IMMT: variants seen among roughly 807,000 people sequenced by gnomAD.
IMMT encodes inner membrane mitochondrial protein.
In IMMT, 40 loss-of-function variants were observed where a neutral mutation model predicts 92.7. That is an observed-to-expected ratio of 0.43 (90% CI 0.34 to 0.56). IMMT has a LOEUF of 0.56. Among genes scored for constraint, IMMT ranks in the 20% least tolerant of loss-of-function variants. The pLI, the probability that IMMT is intolerant of heterozygous loss-of-function variation, is 0.03. For synonymous variants in IMMT, 322 were observed against 336.1 expected (o/e 0.96, Z 0.46); for missense variants, 831 against 912.1 (o/e 0.91, Z 1.14).
At chr2:86,163,232 A>G (rs561971157) in intron 7 of IMMT, among the ~76,000 whole-genome samples, 1 of 152,264 alleles carries the variant, frequency 6.6e-6, no homozygotes, top group East Asian at 1.9e-4. Context: ...ATGTGGGAGG[A>G]TCATTTGAGC....
intron 2 of IMMT, among the ~76,000 whole-genome samples, chr2:86,179,981 G>A (rs1017604411): frequency 1.3e-5 from 2 of 152,080 alleles, no homozygotes; most frequent in Non-Finnish European, 2.9e-5. Flanking sequence ...AGAGGCCGAG[G>A]TAGGAGGAAT....
intron 1 of IMMT, among the ~76,000 whole-genome samples, chr2:86,186,421 C>T (rs922858078): frequency 4.6e-5 from 7 of 152,200 alleles, no homozygotes; most frequent in Non-Finnish European, 8.8e-5. Flanking sequence ...GTACACTTCC[C>T]TTAAACAAGG....
Position 86,176,255 on chromosome 2 carries a change from C to T in IMMT, c.310-2494G>A, listed in dbSNP as rs560465986. ...TTCTCTAGTTTTTACATCCTGTGGT[C>T]TTCCATCTTTTAAACAATACAAAAT... On this transcript the variant is annotated intron_variant, in intron 3 of 14. Transcript: ENST00000410111. Among the ~76,000 whole-genome samples, 160 of 152,306 alleles carry T rather than the reference C, an allele frequency of 1.1e-3. 1 individual carries two copies. Among genetic ancestry groups the T allele is most frequent in the African/African-American group, 3.7e-3 (154 of 41,570 alleles).
At chr2:86,180,517 C>T (rs983198104) in intron 2 of IMMT, among the ~76,000 whole-genome samples, 52 of 151,696 alleles carry the variant, frequency 3.4e-4, no homozygotes, top group African/African-American at 9.9e-4. Flanking sequence ...CTGCCCTCCT[C>T]GGCCTCCCAA....
At chr2:86,160,699 T>C (rs1026962578) in intron 8 of IMMT, among the ~76,000 whole-genome samples, 3 of 152,226 alleles carry the variant, frequency 2.0e-5, no homozygotes, top group African/African-American at 7.2e-5. Context: ...AGGTTGATCT[T>C]ATATCTGGGC....
At chr2:86,194,086 G>A (rs12475079) in intron 1 of IMMT, among the ~76,000 whole-genome samples, 55,164 of 152,158 alleles carry the variant, frequency 0.36, 12,700 homozygotes, top group Non-Finnish European at 0.51. Flanking sequence ...GCAGGCTGTA[G>A]AAGCTGGGAG....
chr2:86,195,297 G>A (rs375892858), intron 1 of IMMT, 41 bp downstream of exon 1: 437 of 1,517,568 alleles, frequency 2.9e-4, no homozygotes, highest in Non-Finnish European at 3.0e-4. Context: ...GACGGTTCTA[G>A]TTCAGCCTCC....
chr2:86,151,253 T>C, intron 12 of IMMT, 44 bp downstream of exon 12: 1 of 1,452,478 alleles, frequency 6.9e-7, no homozygotes, highest in Non-Finnish European at 9.6e-7. Flanking sequence ...ACAATCAAGT[T>C]AGAGTCACTT....
At chr2:86,145,065 C>CGGGCAGT (rs1674894521) in intron 14 of IMMT, among the ~76,000 whole-genome samples, 184 bp from the exon 15 acceptor site, 1 of 151,386 alleles carries the variant, frequency 6.6e-6, no homozygotes, top group Non-Finnish European at 1.5e-5. Flanking sequence ...CTCTTCATAT[C>CGGGCAGT]AAAGTCAGAA....
chr2:86,171,847 C>CATAT (rs1047018977), intron 4 of IMMT, among the ~76,000 whole-genome samples: 31 of 118,168 alleles, frequency 2.6e-4, no homozygotes, highest in East Asian at 1.6e-3. Flanking sequence ...AGTTAAAATA[C>CATAT]ATATATATAT....
At chr2:86,157,049 G>C (rs888742997) in intron 10 of IMMT, among the ~76,000 whole-genome samples, 8 of 152,178 alleles carry the variant, frequency 5.3e-5, no homozygotes, top group African/African-American at 1.9e-4. Context: ...ATTCTGATGA[G>C]GGAAGCAGTG....
intron 12 of IMMT, among the ~76,000 whole-genome samples, chr2:86,149,633 C>T (rs544295492): frequency 4.6e-5 from 7 of 152,134 alleles, no homozygotes; most frequent in East Asian, 1.9e-4. Context: ...ATTCTGGCGC[C>T]GTGGGAGGCC....
chr2:86,147,624 G>C (rs938953790), intron 13 of IMMT, 78 bp downstream of exon 13: 6 of 1,416,334 alleles, frequency 4.2e-6, no homozygotes, highest in East Asian at 2.3e-5. Flanking sequence ...GACATCCTCA[G>C]AGTACATTAA....
chr2:86,146,375 A>ATTT (rs34573057), intron 13 of IMMT, among the ~76,000 whole-genome samples, 178 bp from the exon 14 acceptor site: 45 of 135,236 alleles, frequency 3.3e-4, no homozygotes, highest in Admixed American at 1.2e-3. Flanking sequence ...TATATAATAT[A>ATTT]TTTTTTTTTT....
intron 1 of IMMT, among the ~76,000 whole-genome samples, 175 bp from the exon 2 acceptor site, chr2:86,181,547 T>G (rs1486757226): frequency 6.6e-6 from 1 of 152,194 alleles, no homozygotes; most frequent in Non-Finnish European, 1.5e-5. Flanking sequence ...AAAGCAGTGA[T>G]GCTTCTTACA....
chr2:86,166,636 T>C lies in IMMT; in HGVS notation c.664A>G (p.Lys222Glu), dbSNP rs1001118744. The change falls in exon 7 of 15, where the codon AAG becomes GAG. Residue 222 changes from lysine to glutamate, a missense_variant. Physicochemically the swap from Lys to Glu is moderately conservative, Grantham distance 56 (BLOSUM62 1). Transcript: ENST00000410111. The stretch of plus-strand genomic sequence containing the variant: ...TGCCTCAGAGCATCTTCTAAGCTCT[T>C]GGCTAGAGCTTAAAAAAAAAAAAGA... ...QEQVKIESLA[K>E]SLEDALRQTA... 2.5e-6 allele frequency: 4 copies of C among 1,591,252 alleles called. No individual in the cohort carries two copies. In the African/African-American group the frequency reaches 4.1e-5, roughly 16 times the overall value.
At chr2:86,194,976 A>G (rs1188813875) in intron 1 of IMMT, 1 of 260,736 alleles carries the variant, frequency 3.8e-6, no homozygotes, top group Non-Finnish European at 7.8e-6. Context: ...CGGGAACTGT[A>G]GTTCTCGCCC....
intron 13 of IMMT, 79 bp downstream of exon 13, chr2:86,147,623 A>T: frequency 7.1e-7 from 1 of 1,410,828 alleles, no homozygotes; most frequent in South Asian, 1.3e-5. Flanking sequence ...CGACATCCTC[A>T]GAGTACATTA....
chr2:86,162,970 C>T (rs919998376), intron 7 of IMMT, among the ~76,000 whole-genome samples: 6 of 152,012 alleles, frequency 3.9e-5, no homozygotes, highest in African/African-American at 1.4e-4. Context: ...GGAAGAAAAC[C>T]CTCTAACACT....
Sources: gnomAD v4.1 joint callset for allele counts (sites outside exome capture counted in the v4.1 genomes callset) on GRCh38, gnomAD v4.1.1 for gene constraint, MANE v1.5 for transcripts, NCBI Gene and HGNC (gene_info 2026-07-23, HGNC 2026-07-21) for gene names.